Variants in RGS11 observed in about 807,000 individuals in gnomAD.
RGS11 encodes regulator of G protein signaling 11, also known as regulator of G-protein signaling 11.
A neutral mutation model predicts 71.1 loss-of-function variants in RGS11; 86 were observed. The ratio of observed to expected loss-of-function variants is 1.21; its 90% CI spans 1.02 to 1.45. The LOEUF (loss-of-function observed/expected upper bound fraction) is 1.45, where lower values mean the gene tolerates loss of function less well. Ranked by LOEUF, RGS11 falls within the 40% of genes most tolerant of loss-of-function variation. RGS11 has a pLI of 0.00. For missense variants in RGS11, 734 were observed against 635.1 expected, an observed-to-expected ratio of 1.16 and a Z score of -1.67; for synonymous variants, 298 against 254.2, an observed-to-expected ratio of 1.17 and a Z score of -1.64.
Position 275,918 on chromosome 16 carries a change from G to C in RGS11, c.-7C>G, listed in dbSNP as rs1434673092. ...GCGCGGGGCCGGCGGCCATGGCTGC[G>C]GGGCGAGGCCGGCGGGGATGACCGA... On this transcript the variant is annotated 5_prime_UTR_variant, in exon 1 of 17. Coordinates refer to ENST00000397770, the MANE Select transcript of RGS11 (RefSeq NM_183337.3). 3.1e-5 allele frequency: 22 copies of C among 710,792 alleles called. No individual in the cohort carries two copies. Among genetic ancestry groups the C allele is most frequent in the African/African-American group, 8.9e-5 (4 of 44,716 alleles). The allele number at this position is 710,792 out of a possible 1,614,324, so 44.0% of individuals were successfully genotyped here.
chr16:273,874 C>T (rs1318872522), intron 6 of RGS11, 38 bp from the exon 7 acceptor site: 5 of 1,592,726 alleles, frequency 3.1e-6, no homozygotes, highest in Admixed American at 1.7e-5. Context: ...CACCCCGGCC[C>T]CTGCCCCCAG....
rs1157428147 is a variant in RGS11 at position 274,042 on chromosome 16, C to T, written c.429+1G>A. ...GGGGCGGGAAGGGTGGGGGGTCCCA[C>T]CTTCTCATAATCCACCAGGGTCCCC... On this transcript the variant is annotated splice_donor_variant, in intron 6 of 16. Transcript: ENST00000397770. LOFTEE classifies it high-confidence loss of function. 11 of 1,550,182 alleles carry T rather than the reference C, an allele frequency of 7.1e-6. No individual in the cohort carries two copies. Among genetic ancestry groups the T allele is most frequent in the Admixed American group, 3.9e-5 (2 of 51,010 alleles).
At chr16:269,698 G>A (rs190176348) in intron 15 of RGS11, 113 bp from the exon 16 acceptor site, 15 of 843,948 alleles carry the variant, frequency 1.8e-5, no homozygotes, top group East Asian at 1.3e-4. Context: ...CAGAGTCTCC[G>A]GCGGACAGGG....
At position 270,727 on chromosome 16, in the gene RGS11, C is replaced by T; in HGVS notation, c.1067+17G>A. Reference sequence around the variant, plus strand: ...ACCTGCCCGTTGGCCAACCGGTGCCCACCACGCAGCACTTACTCGTACACG... The same window carrying T: ...ACCTGCCCGTTGGCCAACCGGTGCCTACCACGCAGCACTTACTCGTACACG... On this transcript the variant is annotated intron_variant, in intron 14 of 16. Coordinates refer to ENST00000397770, the MANE Select transcript of RGS11 (RefSeq NM_183337.3). 6.2e-7 allele frequency: 1 copy of T among 1,611,588 alleles called. No individual in the cohort carries two copies. The highest frequency in any genetic ancestry group is 8.5e-7 in the Non-Finnish European group (1 of 1,179,548).
At chr16:271,341 C>T (rs2051930357) in intron 11 of RGS11, 26 bp from the exon 12 acceptor site, 3 of 1,611,990 alleles carry the variant, frequency 1.9e-6, no homozygotes, top group Non-Finnish European at 2.5e-6. Flanking sequence ...GGGGCTGGTG[C>T]AGGAGGGGCC....
rs1567233530 is a variant in RGS11 at position 269,361 on chromosome 16, G to C, written c.1312C>G (p.Pro438Ala). Reference sequence around the variant, plus strand: ...GCAGGGCTGGGGCTCGAGTGCCGTGGCCTCCACGTAAACGGGAACACGCTG... The same window carrying C: ...GCAGGGCTGGGGCTCGAGTGCCGTGCCCTCCACGTAAACGGGAACACGCTG... ...KRRVFPFTWR[P>A]RHSSPSPALL... is the part of the protein sequence containing the mutation. The change falls in exon 17 of 17, where the codon CCA becomes GCA. Residue 438 changes from proline to alanine, a missense_variant. By Grantham distance (27) the Pro-to-Ala change is conservative. Transcript: ENST00000397770. 1 of 1,603,624 alleles carries C rather than the reference G, an allele frequency of 6.2e-7. No homozygotes were observed. The highest frequency in any genetic ancestry group is 8.5e-7 in the Non-Finnish European group (1 of 1,175,720).
chr16:273,442 A>T lies in RGS11; in HGVS notation c.588+33T>A. On this transcript the variant is annotated intron_variant, in intron 8 of 16. Transcript: ENST00000397770. ...AAGCACGCTGACCCCTGCGCTGGCC[A>T]GCGACCCCCACCCTCACCGCAGGTG... The T allele has an allele frequency of 2.0e-6, 3 of 1,514,206 alleles. No homozygotes were observed. The South Asian group carries it at 3.7e-5, about 18-fold the overall frequency. The allele number at this position is 1,514,206 out of a possible 1,614,324, so 93.8% of individuals were successfully genotyped here. A position where few individuals can be genotyped will look rare whatever the true frequency, so the allele number is the denominator to read the frequency against.
intron 4 of RGS11, 148 bp downstream of exon 4, chr16:274,828 G>A: frequency 9.2e-7 from 1 of 1,084,882 alleles, no homozygotes; most frequent in South Asian, 1.3e-5. Context: ...TTTGGGGAGG[G>A]GGCGATGGAC....
chr16:275,544 C>A, intron 1 of RGS11, 46 bp from the exon 2 acceptor site: 1 of 1,448,440 alleles, frequency 6.9e-7, no homozygotes, highest in Non-Finnish European at 9.3e-7. Flanking sequence ...CCCCGCAACC[C>A]TGATTCCCTG....
chr16:273,882 C>T (rs2052047801), intron 6 of RGS11, 46 bp from the exon 7 acceptor site: 1 of 1,575,244 alleles, frequency 6.3e-7, no homozygotes, highest in Non-Finnish European at 8.7e-7. Context: ...CCCCTGCCCC[C>T]AGTGAGACTG....
At position 269,501 on chromosome 16, in the gene RGS11, A is replaced by G. The variant is rs1466841614; in HGVS notation, c.1289+2T>C. 1.2e-6 allele frequency: 2 copies of G among 1,612,766 alleles called. No individual in the cohort carries two copies. The highest frequency in any genetic ancestry group is 1.3e-5 in the African/African-American group (1 of 74,924). ...CGGCCACAGGGCACTGCCTGGGCTCACCGTCTCTTCATCTCCAGCGGGATC... is the reference window on the plus strand; with the variant it reads ...CGGCCACAGGGCACTGCCTGGGCTCGCCGTCTCTTCATCTCCAGCGGGATC... On this transcript the variant is annotated splice_donor_variant, in intron 16 of 16. Transcript: ENST00000397770. LOFTEE classifies it high-confidence loss of function.
At chr16:273,265 G>T (rs1414705759) in intron 8 of RGS11, among the ~76,000 whole-genome samples, 1 of 152,188 alleles carries the variant, frequency 6.6e-6, no homozygotes, top group African/African-American at 2.4e-5. Context: ...GAGAGAAGCT[G>T]GCTTGTCCTG....
rs757585282 is a variant in RGS11, at chr16:275,000, T to C, written c.294A>G (p.Pro98=). 5.9e-6 allele frequency: 9 copies of C among 1,537,346 alleles called. No individual in the cohort carries two copies. The highest frequency in any genetic ancestry group is 2.7e-5 in the African/African-American group (2 of 73,338). The change falls in exon 4 of 17, where the codon CCA becomes CCG. Residue 98 remains proline (P), a synonymous_variant. Coordinates refer to ENST00000397770, the MANE Select transcript of RGS11 (RefSeq NM_183337.3). ...LRDPRSLMLR[P]DETPYRFQTP... is the part of the protein sequence containing the mutation. The stretch of plus-strand genomic sequence containing the variant: ...CCTGGAACCTGTAGGGCGTCTCGTC[T>C]GGCCGGAGCATGAGGCTACGGGGGT...
At chr16:269,782 G>A (rs2051834231) in intron 15 of RGS11, 197 bp from the exon 16 acceptor site, 1 of 557,002 alleles carries the variant, frequency 1.8e-6, no homozygotes, top group South Asian at 2.4e-5. Flanking sequence ...GTCTGCCTGG[G>A]CCATGTCGCA....
chr16:270,021 G>A (rs550348666), intron 15 of RGS11: 121 of 180,346 alleles, frequency 6.7e-4, no homozygotes, highest in African/African-American at 1.2e-3. Flanking sequence ...AGGCTGATGC[G>A]GGTGGATCAT....
In RGS11 at chr16:274,073, T is replaced by G. The variant is rs145343374; in HGVS notation, c.399A>C (p.Arg133=). The change falls in exon 6 of 17, where the codon CGA becomes CGC. Residue 133 remains arginine, a synonymous_variant. Transcript: ENST00000397770. ...CATAATCCACCAGGGTCCCCCGTTT[T>G]CGGATGTTCTTCTTGGCCAGGTAGA... ...YAIYLAKKNI[R]KRGTLVDYEK... 5 of 1,551,150 alleles carry G rather than the reference T, an allele frequency of 3.2e-6. No individual in the cohort carries two copies. Among genetic ancestry groups the G allele is most frequent in the Non-Finnish European group, 4.4e-6 (5 of 1,147,216 alleles).
chr16:270,415 C>A, intron 15 of RGS11, 108 bp downstream of exon 15: 1 of 1,338,816 alleles, frequency 7.5e-7, no homozygotes, highest in Non-Finnish European at 1.0e-6. Flanking sequence ...TCCCCAGGGG[C>A]AGAGTCAACG....
chr16:270,574 G>A lies in RGS11; in HGVS notation c.1155C>T (p.His385=). 1 of 1,608,954 alleles carries A rather than the reference G, an allele frequency of 6.2e-7. No individual in the cohort carries two copies. Residue 385 remains histidine (H), a synonymous_variant, in exon 15 of 17, where the codon CAC becomes CAT. Transcript: ENST00000397770. The part of the protein sequence containing the change: ...EQTLEGLRQP[H]RYVLDDAQLH... Reference sequence around the variant, plus strand: ...GCTGGGCGTCATCCAGGACATAGCGGTGGGGCTGGCGCAGCCCCTCCAGGG... The same window carrying A: ...GCTGGGCGTCATCCAGGACATAGCGATGGGGCTGGCGCAGCCCCTCCAGGG...
rs1275403576 is a variant in RGS11, at chr16:275,875, G to A, written c.37C>T (p.Arg13Trp). 5.2e-6 allele frequency: 5 copies of A among 954,736 alleles called. No individual in the cohort carries two copies. Among genetic ancestry groups the A allele is most frequent in the African/African-American group, 3.6e-5 (2 of 56,258 alleles). 59.1% of individuals were successfully genotyped at this position (954,736 alleles called of 1,614,324 possible). Residue 13 changes from arginine to tryptophan, a missense_variant, in exon 1 of 17, where the codon CGG becomes TGG. Coordinates refer to ENST00000397770, the MANE Select transcript of RGS11 (RefSeq NM_183337.3). ...AGPAPPPGRPRAQMPHLRKME... is the reference protein window; with the variant it reads ...AGPAPPPGRPWAQMPHLRKME... ...TTCCTCAGATGCGGCATCTGCGCCC[G>A]GGGGCGGCCGGGGGGCGGCGCGGGG...
Sources: allele counts gnomAD v4.1 joint callset (sites outside exome capture counted in the v4.1 genomes callset), GRCh38; gene constraint gnomAD v4.1.1; transcripts MANE v1.5; gene names NCBI Gene and HGNC (gene_info 2026-07-23, HGNC 2026-07-21).